ZNF81: variants seen among roughly 807,000 people sequenced by gnomAD.
ZNF81 encodes zinc finger protein 81 (HFZ20).
ZNF81 carries 5 observed loss-of-function variants against 32.3 expected under a neutral mutation model. That is an observed-to-expected ratio of 0.15 (90% CI 0.08 to 0.33). The LOEUF (loss-of-function observed/expected upper bound fraction) is 0.33. Among genes scored for constraint, ZNF81 ranks in the 10% least tolerant of loss-of-function variants. ZNF81 has a pLI of 1.00. For synonymous variants in ZNF81, 163 were observed against 166.8 expected (o/e 0.98, Z 0.17); for missense variants, 379 against 479.8 (o/e 0.79, Z 1.96).
At chrX:47,852,349 A>G (rs1337458321) in intron 2 of ZNF81, among the ~76,000 whole-genome samples, 1 of 112,201 alleles carries the variant, frequency 8.9e-6, no homozygotes. Context: ...TGCCACATCA[A>G]TGAACACTTT....
rs2058752190 is a variant in ZNF81 at position 47,915,239 on chromosome X, G to A, written c.593G>A (p.Ser198Asn). ...RPHKRDSFGK[S>N]FKHNLDLHIH... Reference sequence around the variant, plus strand: ...CATAAACGTGATTCATTTGGGAAGAGTTTTAAGCATAATTTAGACTTACAT... The same window carrying A: ...CATAAACGTGATTCATTTGGGAAGAATTTTAAGCATAATTTAGACTTACAT... The change falls in exon 5 of 5, where the codon AGT (serine) becomes AAT (asparagine). Residue 198 changes from serine to asparagine, a missense_variant. By Grantham distance (46) the Ser-to-Asn change is conservative (BLOSUM62 1). Coordinates refer to ENST00000338637, the MANE Select transcript of ZNF81 (RefSeq NM_007137.5). The A allele has an allele frequency of 8.3e-7, 1 of 1,209,292 alleles. No individual in the cohort carries two copies. The highest frequency in any genetic ancestry group is 1.7e-5 in the African/African-American group (1 of 57,202).
At chrX:47,904,139 A>T (rs1451328167) in intron 4 of ZNF81, among the ~76,000 whole-genome samples, 1 of 112,211 alleles carries the variant, frequency 8.9e-6, no homozygotes, top group Non-Finnish European at 1.9e-5. Flanking sequence ...ACCATTCAGG[A>T]CATAGGCACG....
rs55791977 is a variant in ZNF81 at position 47,865,547 on chromosome X, G to A, written c.54+19226G>A. On this transcript the variant is annotated intron_variant, in intron 2 of 4. Transcript: ENST00000338637. ...TCAACAGGGTCATTTAGGCTTTGGG[G>A]ACCCTGAAGGTAAGGAGCAGAGAAT... is the stretch of plus-strand genomic sequence containing the variant. Among the ~76,000 whole-genome samples the A allele has an allele frequency of 9.9e-3, 1,106 of 111,826 alleles. 14 individuals carry two copies. The highest frequency in any genetic ancestry group is 0.035 in the African/African-American group (1,075 of 30,751).
At chrX:47,884,466 A>T (rs1455517126) in intron 2 of ZNF81, among the ~76,000 whole-genome samples, 2 of 110,433 alleles carry the variant, frequency 1.8e-5, no homozygotes, top group Non-Finnish European at 3.8e-5. Context: ...CTGGGGCTGC[A>T]TTCATCTTGA....
chrX:47,905,768 G>A (rs1478265516), intron 4 of ZNF81, among the ~76,000 whole-genome samples: 2 of 112,067 alleles, frequency 1.8e-5, no homozygotes, highest in Non-Finnish European at 3.8e-5. Context: ...TCTACCCCTC[G>A]TACTTTATCT....
intron 3 of ZNF81, among the ~76,000 whole-genome samples, chrX:47,892,621 C>A (rs1196219974): frequency 8.9e-6 from 1 of 112,370 alleles, no homozygotes; most frequent in Non-Finnish European, 1.9e-5. Context: ...ACCCCTCCAG[C>A]AGCAATATCA....
intron 2 of ZNF81, among the ~76,000 whole-genome samples, chrX:47,862,483 A>G (rs369941699): frequency 1.9e-5 from 2 of 106,658 alleles, no homozygotes; most frequent in East Asian, 3.0e-4. Flanking sequence ...AGATCATGCC[A>G]TTGCACTCCA....
chrX:47,913,850 C>T (rs1167583601), intron 4 of ZNF81, among the ~76,000 whole-genome samples: 6 of 111,299 alleles, frequency 5.4e-5, no homozygotes, highest in Middle Eastern at 4.7e-3. Context: ...AATTGAAACC[C>T]ATCGAGAAGA....
intron 3 of ZNF81, among the ~76,000 whole-genome samples, chrX:47,894,777 A>G (rs2058673988): frequency 9.0e-6 from 1 of 111,320 alleles, no homozygotes; most frequent in African/African-American, 3.3e-5. Flanking sequence ...CTTGGGTCCC[A>G]TTATCTCTTT....
In ZNF81 at chrX:47,921,078, A is replaced by G. The variant is rs1400728874; in HGVS notation, c.*4446A>G. ...GGAGCAGTGTTCTTTCCAGATGTCT[A>G]CATGCTAGGCAGAAACTAGAAGTCT... On this transcript the variant is annotated 3_prime_UTR_variant, in exon 5 of 5. Coordinates refer to ENST00000338637, the MANE Select transcript of ZNF81 (RefSeq NM_007137.5). 9.0e-6 allele frequency: 1 copy of G among 111,245 alleles called. No homozygotes were observed. The highest frequency in any genetic ancestry group is 3.3e-5 in the African/African-American group (1 of 30,590). The allele number at this position is 111,245 out of a possible 1,213,427, so 9.2% of individuals were successfully genotyped here.
chrX:47,887,106 G>A (rs1556885859), intron 2 of ZNF81, among the ~76,000 whole-genome samples: 2 of 111,183 alleles, frequency 1.8e-5, no homozygotes, highest in African/African-American at 6.5e-5. Context: ...AATCACATTG[G>A]CACTTTTGTC....
At chrX:47,870,057 C>T (rs1177209431) in intron 2 of ZNF81, among the ~76,000 whole-genome samples, 2 of 111,384 alleles carry the variant, frequency 1.8e-5, no homozygotes, top group African/African-American at 6.5e-5. Context: ...AAAAGGTGAG[C>T]GACGGCCTGT....
intron 2 of ZNF81, among the ~76,000 whole-genome samples, chrX:47,863,535 A>C (rs1263031500): frequency 8.9e-6 from 1 of 112,375 alleles, no homozygotes; most frequent in Non-Finnish European, 1.9e-5. Context: ...TCTACCTGAA[A>C]GCTAAGATCT....
At chrX:47,896,005 G>A (rs1272219546) in intron 4 of ZNF81, 65 bp downstream of exon 4, 11 of 834,683 alleles carry the variant, frequency 1.3e-5, no homozygotes, top group East Asian at 9.7e-5. Context: ...AAGGAAGACC[G>A]ATGCCTTTAA....
chrX:47,854,385 A>G (rs1355761909), intron 2 of ZNF81, among the ~76,000 whole-genome samples: 2 of 112,198 alleles, frequency 1.8e-5, no homozygotes, highest in Non-Finnish European at 3.8e-5. Flanking sequence ...TCATGTGTTC[A>G]CTGGAGTAGG....
chrX:47,881,288 AC>A (rs782527193), intron 2 of ZNF81, among the ~76,000 whole-genome samples: 5 of 111,517 alleles, frequency 4.5e-5, no homozygotes, highest in Non-Finnish European at 9.4e-5. Context: ...CATCATAAAC[AC>A]CATTCTATAA....
rs554485529 is a variant in ZNF81, at chrX:47,921,140, G to T, written c.*4508G>T. The T allele has an allele frequency of 9.0e-6, 1 of 110,920 alleles. No individual in the cohort carries two copies. Among genetic ancestry groups the T allele is most frequent in the African/African-American group, 3.3e-5 (1 of 30,553 alleles). 9.1% of individuals were successfully genotyped at this position (110,920 alleles called of 1,213,427 possible). On this transcript the variant is annotated 3_prime_UTR_variant, in exon 5 of 5. Coordinates refer to ENST00000338637, the MANE Select transcript of ZNF81 (RefSeq NM_007137.5). ...ATGGTCTCCTACTATCAGAATATGT[G>T]CCCTTTTCAGTGTGACTTTGCCACT...
At chrX:47,900,207 T>G (rs1320049411) in intron 4 of ZNF81, among the ~76,000 whole-genome samples, 5 of 111,498 alleles carry the variant, frequency 4.5e-5, no homozygotes, top group Non-Finnish European at 9.4e-5. Context: ...AAGATTTACT[T>G]TAAAGCTATA....
intron 1 of ZNF81, among the ~76,000 whole-genome samples, chrX:47,838,514 G>A (rs954530425): frequency 8.1e-5 from 9 of 110,817 alleles, no homozygotes; most frequent in Non-Finnish European, 1.3e-4. Context: ...AGTTTTTATC[G>A]TGAATGGGTG....
Sources: allele counts gnomAD v4.1 joint callset (sites outside exome capture counted in the v4.1 genomes callset), GRCh38; gene constraint gnomAD v4.1.1; transcripts MANE v1.5; gene names NCBI Gene and HGNC (gene_info 2026-07-23, HGNC 2026-07-21).